Variants in INSL6 observed in about 807,000 individuals in gnomAD.
INSL6 encodes insulin-like peptide INSL6.
A neutral mutation model predicts 9.4 loss-of-function variants in INSL6; 16 were observed. The ratio of observed to expected loss-of-function variants is 1.70; its 90% confidence interval spans 1.15 to 2.59. INSL6 has a LOEUF of 2.59. INSL6 is among the 30% of genes most tolerant of loss of function. The probability of loss-of-function intolerance (pLI) is 0.00; values close to 1 mark genes in which losing one functional copy is unlikely to be tolerated. For synonymous variants in INSL6, 154 were observed against 96.9 expected (o/e 1.59, Z -3.46); for missense variants, 391 against 257.3 (o/e 1.52, Z -3.56).
chr9:5,107,203 G>A, the INSL6 span, among the ~76,000 whole-genome samples: 2 of 151,920 alleles, frequency 1.3e-5, no homozygotes, highest in African/African-American at 4.8e-5. Context: ...AACTAGTTTC[G>A]ATAATATCTG....
chr9:5,103,156 T>C, the INSL6 span, among the ~76,000 whole-genome samples: 1 of 132,616 alleles, frequency 7.5e-6, no homozygotes, highest in Non-Finnish European at 1.5e-5. Context: ...ACCAATCTCA[T>C]GTGCAGAGAA....
the INSL6 span, chr9:5,099,713 C>T: frequency 6.6e-6 from 1 of 152,148 alleles, no homozygotes; most frequent in Non-Finnish European, 1.5e-5. Context: ...ATCCAACCTG[C>T]ACTAAAACAG....
the INSL6 span, chr9:5,097,782 A>T: frequency 1.3e-5 from 2 of 152,204 alleles, no homozygotes; most frequent in Admixed American, 6.5e-5. Flanking sequence ...ACTATGTTGT[A>T]GCTCATTTCC....
the INSL6 span, among the ~76,000 whole-genome samples, chr9:5,024,097 A>C: frequency 6.6e-6 from 1 of 152,100 alleles, no homozygotes; most frequent in Non-Finnish European, 1.5e-5. Flanking sequence ...TCTGCTAAAA[A>C]TACAAAAAAT....
the INSL6 span, among the ~76,000 whole-genome samples, chr9:5,030,295 C>T: frequency 2.6e-5 from 4 of 152,126 alleles, no homozygotes; most frequent in Admixed American, 6.5e-5. Context: ...AAAAAGTTGA[C>T]GTGAAGAAAA....
chr9:5,052,406 A>AT, the INSL6 span, among the ~76,000 whole-genome samples: 5,623 of 151,294 alleles, frequency 0.037, 158 homozygotes, highest in Non-Finnish European at 0.057. Context: ...ATGCTGCATC[A>AT]TTTTTTTTTA....
chr9:5,034,168 A>G, the INSL6 span, among the ~76,000 whole-genome samples: 3 of 152,222 alleles, frequency 2.0e-5, no homozygotes, highest in Non-Finnish European at 2.9e-5. Flanking sequence ...TGGTAAAGGG[A>G]TCAACTCAAC....
the INSL6 span, among the ~76,000 whole-genome samples, chr9:5,087,706 T>C: frequency 7.2e-5 from 11 of 152,236 alleles, no homozygotes; most frequent in African/African-American, 2.2e-4. Flanking sequence ...CCACTGCTTA[T>C]TGGAACATCA....
the INSL6 span, among the ~76,000 whole-genome samples, chr9:5,004,478 T>A: frequency 3.3e-5 from 5 of 152,210 alleles, no homozygotes; most frequent in African/African-American, 1.2e-4. Context: ...CTTCTTTTTT[T>A]AAGGCTGAAT....
intron 1 of INSL6, among the ~76,000 whole-genome samples, chr9:5,175,419 G>C (rs1825276027): frequency 6.6e-6 from 1 of 152,242 alleles, no homozygotes; most frequent in East Asian, 1.9e-4. Context: ...AGTAGCCAGA[G>C]TGATCCATTT....
the INSL6 span, among the ~76,000 whole-genome samples, chr9:5,023,201 C>G: frequency 1.3e-5 from 2 of 152,226 alleles, no homozygotes; most frequent in East Asian, 1.9e-4. Context: ...TACCAATCCA[C>G]TCTACCTTCA....
At chr9:5,145,279 C>T (rs1020551246) in intron 2 of INSL6, among the ~76,000 whole-genome samples, 4 of 151,306 alleles carry the variant, frequency 2.6e-5, no homozygotes, top group Admixed American at 6.6e-5. Flanking sequence ...ATGTTTAATA[C>T]TGACCCCCTA....
intron 1 of INSL6, among the ~76,000 whole-genome samples, chr9:5,166,351 T>C (rs1825050869): frequency 6.6e-6 from 1 of 152,188 alleles, no homozygotes. Flanking sequence ...TGAATCTATA[T>C]TCTTTGCAGT....
the INSL6 span, among the ~76,000 whole-genome samples, chr9:5,075,433 G>A: frequency 2.0e-5 from 3 of 151,800 alleles, no homozygotes; most frequent in Non-Finnish European, 3.0e-5. Flanking sequence ...AATGCCATTG[G>A]TGATTTGAAA....
chr9:5,122,303 G>A (rs564554511), downstream of INSL6, among the ~76,000 whole-genome samples: 1 of 152,270 alleles, frequency 6.6e-6, no homozygotes, highest in East Asian at 1.9e-4. Flanking sequence ...GTTAATGCTT[G>A]AGTGAACAAT....
At chr9:4,997,610 A>G in the INSL6 span, among the ~76,000 whole-genome samples, 10 of 152,224 alleles carry the variant, frequency 6.6e-5, no homozygotes, top group Non-Finnish European at 1.3e-4. Context: ...TTACAGTGCA[A>G]CACATGAAAT....
At chr9:5,096,735 G>C in the INSL6 span, 138 of 152,194 alleles carry the variant, frequency 9.1e-4, no homozygotes, top group African/African-American at 3.3e-3. Context: ...GCTGTTCGGC[G>C]CATGAGTGGG....
intron 2 of INSL6, among the ~76,000 whole-genome samples, chr9:5,144,493 T>A (rs1382175621): frequency 1.3e-5 from 2 of 151,596 alleles, no homozygotes; most frequent in African/African-American, 4.8e-5. Context: ...GGGGTATCTA[T>A]GAGGATCCAT....
At chr9:5,128,913 C>G (rs78645270) in intron 3 of INSL6, among the ~76,000 whole-genome samples, 2,459 of 152,076 alleles carry the variant, frequency 0.016, 68 homozygotes, top group African/African-American at 0.056. Flanking sequence ...TTATGTAATT[C>G]TGTAACTATT....
Sources: allele counts gnomAD v4.1 joint callset (sites outside exome capture counted in the v4.1 genomes callset), GRCh38; gene constraint gnomAD v4.1.1; transcripts MANE v1.5; gene names NCBI Gene and HGNC (gene_info 2026-07-23, HGNC 2026-07-21).